Variants in HSD17B14 observed in about 807,000 individuals in gnomAD.
HSD17B14 encodes the protein hydroxysteroid 17-beta dehydrogenase 14, also known as L-fucose dehydrogenase.
A neutral mutation model predicts 32.2 loss-of-function variants in HSD17B14; 32 were observed. The observed-to-expected ratio is 0.99, with a 90% confidence interval of 0.75 to 1.33. The LOEUF is 1.33. HSD17B14 is among the 40% of genes most tolerant of loss of function. The probability of loss-of-function intolerance (pLI) is 0.00; values close to 1 mark genes in which losing one functional copy is unlikely to be tolerated. For synonymous variants in HSD17B14, 140 were observed against 155.4 expected (o/e 0.90, Z 0.74); for missense variants, 370 against 366.5 (o/e 1.01, Z -0.08).
chr19:48,814,821 A>G (rs1249138471), intron 6 of HSD17B14, among the ~76,000 whole-genome samples: 1 of 150,552 alleles, frequency 6.6e-6, no homozygotes, highest in Non-Finnish European at 1.5e-5. Flanking sequence ...GCCTGGTGAC[A>G]GAGCGAGACT....
chr19:48,825,510 T>A (rs914929038), intron 5 of HSD17B14, among the ~76,000 whole-genome samples: 2 of 152,050 alleles, frequency 1.3e-5, no homozygotes, highest in African/African-American at 2.4e-5. Flanking sequence ...GGTCTGGTGC[T>A]ATGTTGCCCA....
At chr19:48,821,907 T>C (rs1327679001) in intron 5 of HSD17B14, among the ~76,000 whole-genome samples, 1 of 148,334 alleles carries the variant, frequency 6.7e-6, no homozygotes, top group African/African-American at 2.5e-5. Context: ...ATGATGGTGA[T>C]GATGATAATG....
intron 3 of HSD17B14, among the ~76,000 whole-genome samples, chr19:48,833,159 A>G (rs2122800425): frequency 6.6e-6 from 1 of 151,346 alleles, no homozygotes; most frequent in South Asian, 2.1e-4. Context: ...AGGGGACAAG[A>G]GCTAGAGGAA....
chr19:48,833,648 G>A (rs921009619), intron 3 of HSD17B14, among the ~76,000 whole-genome samples: 2 of 152,076 alleles, frequency 1.3e-5, no homozygotes, highest in Non-Finnish European at 2.9e-5. Context: ...CCAACATGGA[G>A]AAACACCGTC....
At chr19:48,833,750 T>A (rs746867121) in intron 3 of HSD17B14, among the ~76,000 whole-genome samples, 12 of 150,486 alleles carry the variant, frequency 8.0e-5, no homozygotes, top group African/African-American at 1.2e-4. Context: ...CACTTGAAGC[T>A]GGGAGGCAGA....
At chr19:48,825,096 G>A (rs2035221761) in intron 5 of HSD17B14, among the ~76,000 whole-genome samples, 1 of 152,040 alleles carries the variant, frequency 6.6e-6, no homozygotes, top group African/African-American at 2.4e-5. Flanking sequence ...AAATTAGCCA[G>A]GTGTGGTGGC....
intron 5 of HSD17B14, among the ~76,000 whole-genome samples, chr19:48,822,997 A>G (rs1008736240): frequency 6.6e-6 from 1 of 152,164 alleles, no homozygotes; most frequent in Non-Finnish European, 1.5e-5. Flanking sequence ...CTTTGCAACA[A>G]GTGCATGAAC....
At position 48,834,356 on chromosome 19, in the gene HSD17B14, A is replaced by G; in HGVS notation, c.130T>C (p.Ser44Pro). The G allele has an allele frequency of 6.2e-7, 1 of 1,612,342 alleles. No individual in the cohort carries two copies. Among genetic ancestry groups the G allele is most frequent in the Non-Finnish European group, 8.5e-7 (1 of 1,178,788 alleles). The change falls in exon 3 of 9, where the codon TCT (serine) becomes CCT (proline). Residue 44 changes from serine to proline, a missense_variant and splice_region_variant. Physicochemically the swap from Ser to Pro is moderately conservative, Grantham distance 74. Transcript: ENST00000263278. ...ARVVICDKDE[S>P]GGRALEQELP... ...TCCTGCTCCAGGGCCCGGCCCCCAG[A>G]CTCTGCAGGGAGAGAAGAGCTGGGA...
At position 48,835,939 on chromosome 19, in the gene HSD17B14, C is replaced by T. The variant is rs1391372635; in HGVS notation, c.89-96G>A. The T allele has an allele frequency of 3.2e-5, 33 of 1,042,470 alleles. 1 individual carries two copies. Among genetic ancestry groups the T allele is most frequent in the South Asian group, 3.0e-4 (22 of 72,542 alleles). The allele number at this position is 1,042,470 out of a possible 1,614,324, so 64.6% of individuals were successfully genotyped here. ...CTGGATTGGGGCTGATCTCCCTCTC[C>T]CCTCGTGACCCCAGTCTCATGATCA... On this transcript the variant is annotated intron_variant, in intron 1 of 8. Coordinates refer to ENST00000263278, the MANE Select transcript of HSD17B14 (RefSeq NM_016246.3).
At chr19:48,831,586 T>G in intron 5 of HSD17B14, 82 bp downstream of exon 5, 2 of 941,906 alleles carry the variant, frequency 2.1e-6, no homozygotes, top group Non-Finnish European at 3.5e-6. Flanking sequence ...ACGGAAAACA[T>G]TTTGCTCTTA....
chr19:48,832,826 T>C, intron 3 of HSD17B14, 94 bp from the exon 4 acceptor site: 2 of 1,027,416 alleles, frequency 1.9e-6, no homozygotes, highest in East Asian at 2.5e-5. Context: ...CGATCTTGGC[T>C]CACTGCAACT....
At chr19:48,818,987 T>C (rs1022824343) in intron 5 of HSD17B14, among the ~76,000 whole-genome samples, 4 of 152,082 alleles carry the variant, frequency 2.6e-5, no homozygotes, top group Non-Finnish European at 5.9e-5. Context: ...ATCAACTCCT[T>C]TTTTTGTTTG....
chr19:48,813,984 C>A (rs941859231), intron 6 of HSD17B14, among the ~76,000 whole-genome samples: 2 of 150,804 alleles, frequency 1.3e-5, no homozygotes, highest in East Asian at 4.0e-4. Context: ...TCACTTGGGC[C>A]AGGAGTTCGA....
intron 5 of HSD17B14, among the ~76,000 whole-genome samples, chr19:48,822,389 ATGGTGATGATTGTGGTAATGATGG>A (rs1433080434): frequency 6.9e-6 from 1 of 144,628 alleles, no homozygotes; most frequent in African/African-American, 2.6e-5. Flanking sequence ...GTTGATGGTG[ATGGTGATGATTGTGGTAATGATGG>A]TGGTGATGAT....
At chr19:48,824,474 GAGAA>G (rs755691230) in intron 5 of HSD17B14, among the ~76,000 whole-genome samples, 112 of 150,886 alleles carry the variant, frequency 7.4e-4, no homozygotes, top group Non-Finnish European at 1.4e-3. Flanking sequence ...GGAAGAAAGA[GAGAA>G]AGAAAGAAAG....
chr19:48,830,525 C>T (rs952208356), intron 5 of HSD17B14, among the ~76,000 whole-genome samples: 1 of 152,040 alleles, frequency 6.6e-6, no homozygotes, highest in Non-Finnish European at 1.5e-5. Flanking sequence ...TCTTCGGGGC[C>T]GAGAGAATTT....
chr19:48,823,090 G>A (rs1449584003), intron 5 of HSD17B14, among the ~76,000 whole-genome samples: 2 of 152,156 alleles, frequency 1.3e-5, no homozygotes, highest in Non-Finnish European at 2.9e-5. Flanking sequence ...CAAATCAGCT[G>A]TAATAAAACA....
intron 2 of HSD17B14, 60 bp from the exon 3 acceptor site, chr19:48,834,418 G>C (rs879134162): frequency 9.6e-7 from 1 of 1,040,142 alleles, no homozygotes; most frequent in Admixed American, 2.2e-5. Flanking sequence ...AGGGGTTGGG[G>C]ACTTGGACTC....
intron 5 of HSD17B14, among the ~76,000 whole-genome samples, chr19:48,822,074 C>T (rs907899493): frequency 2.7e-4 from 30 of 110,612 alleles, no homozygotes; most frequent in African/African-American, 4.4e-4. Context: ...ATTGTGGTAA[C>T]AATGGTGATG....
Sources: gnomAD v4.1 joint callset for allele counts (sites outside exome capture counted in the v4.1 genomes callset) on GRCh38, gnomAD v4.1.1 for gene constraint, MANE v1.5 for transcripts, NCBI Gene and HGNC (gene_info 2026-07-23, HGNC 2026-07-21) for gene names.